Variants in DLG1 observed in about 807,000 individuals in gnomAD.
DLG1 encodes discs large MAGUK scaffold protein 1.
In DLG1, 42 loss-of-function variants were observed where a neutral mutation model predicts 123.4. The observed-to-expected ratio is 0.34, with a 90% CI of 0.27 to 0.44. The LOEUF (loss-of-function observed/expected upper bound fraction) is 0.44, where lower values mean the gene tolerates loss of function less well. DLG1 is among the 20% of genes least tolerant of loss of function. The pLI is 1.00. For synonymous variants in DLG1, 317 were observed against 356.2 expected (o/e 0.89, Z 1.24); for missense variants, 942 against 1,082.6 (o/e 0.87, Z 1.82).
At chr3:197,061,261 A>G (rs962801076) in intron 22 of DLG1, among the ~76,000 whole-genome samples, 2 of 152,258 alleles carry the variant, frequency 1.3e-5, no homozygotes, top group African/African-American at 4.8e-5. Context: ...ATCTACTTTC[A>G]TCAGACATAA....
intron 11 of DLG1, among the ~76,000 whole-genome samples, chr3:197,124,605 C>T (rs1432316994): frequency 6.6e-6 from 1 of 152,010 alleles, no homozygotes; most frequent in Admixed American, 6.6e-5. Flanking sequence ...CATTATGTTG[C>T]CCAGGCTGGA....
chr3:197,124,593 C>T (rs548423174), intron 11 of DLG1, among the ~76,000 whole-genome samples: 2 of 151,988 alleles, frequency 1.3e-5, no homozygotes, highest in Non-Finnish European at 2.9e-5. Context: ...AGAGATGGGT[C>T]TCATTATGTT....
At chr3:197,051,472 A>T in intron 24 of DLG1, 105 bp downstream of exon 24, 1 of 825,116 alleles carries the variant, frequency 1.2e-6, no homozygotes, top group Non-Finnish European at 2.0e-6. Context: ...ACTAGTTACT[A>T]CGGGTAGATG....
At chr3:197,045,869 T>C (rs543822751) in intron 24 of DLG1, among the ~76,000 whole-genome samples, 72 of 152,314 alleles carry the variant, frequency 4.7e-4, no homozygotes, top group African/African-American at 1.6e-3. Flanking sequence ...TAGATTTCCA[T>C]GGTCTGAAAA....
intron 5 of DLG1, among the ~76,000 whole-genome samples, chr3:197,156,094 G>A (rs184936110): frequency 2.6e-5 from 4 of 152,204 alleles, no homozygotes; most frequent in African/African-American, 4.8e-5. Context: ...AGAAACGAAC[G>A]CATTAAAAAT....
chr3:197,119,302 G>A (rs1345650650), intron 12 of DLG1, 108 bp downstream of exon 12: 14 of 909,630 alleles, frequency 1.5e-5, no homozygotes, highest in Non-Finnish European at 2.2e-5. Flanking sequence ...CTCACTAACT[G>A]TCAATAAAAT....
At chr3:197,084,130 GAAGA>G (rs1752794667) in intron 16 of DLG1, among the ~76,000 whole-genome samples, 1 of 152,026 alleles carries the variant, frequency 6.6e-6, no homozygotes, top group Non-Finnish European at 1.5e-5. Flanking sequence ...TGGCATGAAG[GAAGA>G]AATTCATGCC....
At chr3:197,074,700 G>A (rs1396687971) in intron 18 of DLG1, among the ~76,000 whole-genome samples, 5 of 151,962 alleles carry the variant, frequency 3.3e-5, no homozygotes, top group Non-Finnish European at 7.4e-5. Flanking sequence ...ATCCTATAAA[G>A]GCACATGCAA....
intron 12 of DLG1, 31 bp from the exon 13 acceptor site, chr3:197,116,114 A>T: frequency 6.4e-7 from 1 of 1,565,068 alleles, no homozygotes; most frequent in Non-Finnish European, 8.7e-7. Flanking sequence ...AGTATCTTGG[A>T]AATTTTATAT....
At chr3:197,065,243 G>A in intron 22 of DLG1, 33 bp downstream of exon 22, 1 of 1,562,602 alleles carries the variant, frequency 6.4e-7, no homozygotes, top group Non-Finnish European at 8.6e-7. Flanking sequence ...TATCTGATTA[G>A]AAGCTATATT....
At chr3:197,226,809 C>T (rs1740207916) in intron 4 of DLG1, among the ~76,000 whole-genome samples, 1 of 152,208 alleles carries the variant, frequency 6.6e-6, no homozygotes, top group Non-Finnish European at 1.5e-5. Context: ...CGACATATCA[C>T]TGATTTATCC....
chr3:197,108,931 TTCC>T (rs1768201762), intron 13 of DLG1, among the ~76,000 whole-genome samples: 1 of 152,256 alleles, frequency 6.6e-6, no homozygotes, highest in African/African-American at 2.4e-5. Context: ...TCTTTCTCTA[TTCC>T]TCAATTACTG....
chr3:197,174,526 T>G (rs944218745), intron 5 of DLG1, among the ~76,000 whole-genome samples: 3 of 152,214 alleles, frequency 2.0e-5, no homozygotes, highest in African/African-American at 7.2e-5. Flanking sequence ...ATGATATGAT[T>G]TTTATTCTCT....
chr3:197,168,352 C>A (rs1382898960), intron 5 of DLG1, among the ~76,000 whole-genome samples: 2 of 152,182 alleles, frequency 1.3e-5, no homozygotes, highest in Non-Finnish European at 2.9e-5. Context: ...AACTGATAAC[C>A]AATTCTGGTA....
rs1778728447 is a variant in DLG1, at chr3:197,125,755, A to G, written c.1165+4772T>C. Among the ~76,000 whole-genome samples the G allele has an allele frequency of 2.0e-5, 3 of 152,210 alleles. 1 individual carries two copies. In the South Asian group the frequency reaches 6.2e-4, roughly 32 times the overall value. ...ACCAAAAAGTCAGGGTGTTGGATGA[A>G]TCATTAGTGTGGTTTTTGGACATGA... is the stretch of plus-strand genomic sequence containing the variant. On this transcript the variant is annotated intron_variant, in intron 11 of 24. Coordinates refer to ENST00000667157, the MANE Select transcript of DLG1 (RefSeq NM_001366207.1).
At chr3:197,224,501 A>G (rs1053618527) in intron 4 of DLG1, among the ~76,000 whole-genome samples, 11 of 152,146 alleles carry the variant, frequency 7.2e-5, no homozygotes, top group Admixed American at 3.3e-4. Flanking sequence ...CACCTAGGGG[A>G]AAAAAATGTA....
At chr3:197,059,633 C>CCACTAGTCACTATTTACACTAGTTA (rs71623333) in intron 23 of DLG1, among the ~76,000 whole-genome samples, 1 of 151,806 alleles carries the variant, frequency 6.6e-6, no homozygotes, top group African/African-American at 2.4e-5. Flanking sequence ...ACTTCAGTAG[C>CCACTAGTCACTATTTACACTAGTTA]CACTAGTCAC....
Position 197,190,781 on chromosome 3 carries a change from C to T in DLG1, c.483+3644G>A, listed in dbSNP as rs561645893. 2.1e-3 allele frequency among the ~76,000 whole-genome samples: 319 copies of T among 152,246 alleles called. 3 individuals are homozygous for T. Among genetic ancestry groups the T allele is most frequent in the South Asian group, 3.1e-3 (15 of 4,820 alleles). On this transcript the variant is annotated intron_variant, in intron 5 of 24. Transcript: ENST00000667157. The stretch of plus-strand genomic sequence containing the variant: ...ATCCCAGCACTGTGGGAGGCCGAGG[C>T]GGGCGGATCACGAGGTCAGGAGATC...
At chr3:197,296,519 C>CA (rs767404686) in intron 2 of DLG1, 42 bp from the exon 3 acceptor site, 24 of 1,589,740 alleles carry the variant, frequency 1.5e-5, no homozygotes, top group South Asian at 2.2e-5. Flanking sequence ...TCTCTATTTA[C>CA]AAAAAAAGTA....
Sources: allele counts gnomAD v4.1 joint callset (sites outside exome capture counted in the v4.1 genomes callset), GRCh38; gene constraint gnomAD v4.1.1; transcripts MANE v1.5; gene names NCBI Gene and HGNC (gene_info 2026-07-23, HGNC 2026-07-21).